Variants in KCNH7 observed in about 807,000 individuals in gnomAD.
KCNH7 encodes the protein voltage-gated inwardly rectifying potassium channel KCNH7.
KCNH7 carries 49 observed loss-of-function variants against 120.8 expected under a neutral mutation model. The observed-to-expected ratio is 0.41, with a 90% CI of 0.32 to 0.51. KCNH7 has a LOEUF of 0.51. Among genes scored for constraint, KCNH7 ranks in the 20% least tolerant of loss-of-function variants. The pLI is 0.38. For missense variants in KCNH7, 1,097 were observed against 1,446.6 expected, an observed-to-expected ratio of 0.76 and a Z score of 3.92; for synonymous variants, 547 against 516.1, an observed-to-expected ratio of 1.06 and a Z score of -0.81.
In KCNH7 at chr2:162,823,608, T is replaced by C. The variant is rs187558342; in HGVS notation, c.307+12929A>G. 3.1e-3 allele frequency among the ~76,000 whole-genome samples: 474 copies of C among 152,326 alleles called. 2 individuals are homozygous for C. The highest frequency in any genetic ancestry group is 0.011 in the African/African-American group (446 of 41,584). On this transcript the variant is annotated intron_variant, in intron 2 of 15. Coordinates refer to ENST00000332142, the MANE Select transcript of KCNH7 (RefSeq NM_033272.4). ...TACTATAACATAGTCTTTATTACAC[T>C]TCATAGTATAATAATGTCATTACTT...
rs373309050 is a variant in KCNH7 at position 162,627,491 on chromosome 2, G to T, written c.308-90411C>A. Among the ~76,000 whole-genome samples the T allele has an allele frequency of 1.8e-4, 28 of 152,238 alleles. No homozygotes were observed. The East Asian group carries it at 5.0e-3, about 27-fold the overall frequency. On this transcript the variant is annotated intron_variant, in intron 2 of 15. Transcript: ENST00000332142. ...TAGAGGTAACTGAAAATTTTAATTT[G>T]CTTATGCATAATAAATACTAAGATA...
At chr2:162,706,856 G>T (rs1686721425) in intron 2 of KCNH7, among the ~76,000 whole-genome samples, 1 of 152,230 alleles carries the variant, frequency 6.6e-6, no homozygotes, top group South Asian at 2.1e-4. Flanking sequence ...TTAGAGGTTG[G>T]TCTGGTCATT....
chr2:162,486,581 T>C (rs547507578), intron 6 of KCNH7, among the ~76,000 whole-genome samples: 37 of 152,134 alleles, frequency 2.4e-4, no homozygotes, highest in African/African-American at 8.4e-4. Context: ...GGAGAAAAAA[T>C]AGGAAAAAAT....
At chr2:162,742,164 C>A (rs770336123) in intron 2 of KCNH7, among the ~76,000 whole-genome samples, 1 of 152,106 alleles carries the variant, frequency 6.6e-6, no homozygotes, top group South Asian at 2.1e-4. Flanking sequence ...AATGAAATAA[C>A]CCAGAAGTAG....
chr2:162,816,533 C>T (rs747768633), intron 2 of KCNH7, among the ~76,000 whole-genome samples: 1 of 151,890 alleles, frequency 6.6e-6, no homozygotes, highest in Non-Finnish European at 1.5e-5. Flanking sequence ...AAATAATGCC[C>T]CTAATCAAAA....
chr2:162,460,180 C>T (rs1040450532), intron 6 of KCNH7, among the ~76,000 whole-genome samples: 3 of 151,518 alleles, frequency 2.0e-5, no homozygotes, highest in Non-Finnish European at 2.9e-5. Context: ...GGTGGGTGTC[C>T]TTAGAATCAT....
chr2:162,708,867 T>C (rs1042904143), intron 2 of KCNH7, among the ~76,000 whole-genome samples: 5 of 152,086 alleles, frequency 3.3e-5, no homozygotes, highest in Non-Finnish European at 5.9e-5. Flanking sequence ...AGCTATGATG[T>C]AGAAAAATTG....
chr2:162,460,059 A>G (rs1344070095), intron 6 of KCNH7, among the ~76,000 whole-genome samples: 5 of 145,604 alleles, frequency 3.4e-5, no homozygotes, highest in Non-Finnish European at 5.9e-5. Flanking sequence ...GTGCCACAGC[A>G]CTCCAGCCTA....
At chr2:162,727,082 T>C (rs1242272135) in intron 2 of KCNH7, among the ~76,000 whole-genome samples, 1 of 152,186 alleles carries the variant, frequency 6.6e-6, no homozygotes, top group Admixed American at 6.5e-5. Context: ...TTTATTCAAA[T>C]TTAGCACTAC....
At chr2:162,399,311 G>A (rs1310385018) in intron 10 of KCNH7, among the ~76,000 whole-genome samples, 2 of 151,642 alleles carry the variant, frequency 1.3e-5, no homozygotes, top group Middle Eastern at 3.4e-3. Context: ...AGTACTACAA[G>A]TTCACATGGC....
intron 12 of KCNH7, among the ~76,000 whole-genome samples, chr2:162,390,718 T>C (rs767861261): frequency 1.3e-5 from 2 of 151,980 alleles, no homozygotes; most frequent in African/African-American, 2.4e-5. Context: ...TACTTGAAGA[T>C]ACCTTTAAAA....
chr2:162,655,239 A>G (rs1275058300), intron 2 of KCNH7, among the ~76,000 whole-genome samples: 1 of 151,960 alleles, frequency 6.6e-6, no homozygotes, highest in Admixed American at 6.5e-5. Flanking sequence ...TAATGAATTT[A>G]TATAATTTTA....
intron 2 of KCNH7, among the ~76,000 whole-genome samples, chr2:162,781,135 C>T (rs1278995891): frequency 5.9e-5 from 9 of 151,698 alleles, no homozygotes; most frequent in Non-Finnish European, 4.4e-5. Flanking sequence ...TATTATATAC[C>T]AAGTGTATAT....
At chr2:162,572,063 A>C (rs1693499139) in intron 2 of KCNH7, among the ~76,000 whole-genome samples, 1 of 152,036 alleles carries the variant, frequency 6.6e-6, no homozygotes, top group Non-Finnish European at 1.5e-5. Flanking sequence ...AATTAAAGTA[A>C]AGAGCTTCTG....
At chr2:162,609,781 G>A (rs747965082) in intron 2 of KCNH7, among the ~76,000 whole-genome samples, 3 of 152,098 alleles carry the variant, frequency 2.0e-5, no homozygotes, top group Admixed American at 1.3e-4. Context: ...GAATAATAGC[G>A]ACTCCTGAAT....
intron 2 of KCNH7, among the ~76,000 whole-genome samples, chr2:162,808,443 T>C (rs903384051): frequency 7.9e-5 from 12 of 152,194 alleles, no homozygotes; most frequent in Non-Finnish European, 1.5e-4. Flanking sequence ...GGAGCAGGAC[T>C]GAGCTTCAAA....
chr2:162,835,399 A>G (rs1461815930), intron 2 of KCNH7, among the ~76,000 whole-genome samples: 1 of 152,014 alleles, frequency 6.6e-6, no homozygotes, highest in Non-Finnish European at 1.5e-5. Context: ...CCAAATGATG[A>G]GTCATTATAT....
At chr2:162,834,249 GC>G (rs1167316823) in intron 2 of KCNH7, among the ~76,000 whole-genome samples, 1 of 152,006 alleles carries the variant, frequency 6.6e-6, no homozygotes, top group African/African-American at 2.4e-5. Flanking sequence ...ATCTGAACTA[GC>G]AGCCAAAACA....
At chr2:162,779,145 C>G (rs1202023957) in intron 2 of KCNH7, among the ~76,000 whole-genome samples, 1 of 151,434 alleles carries the variant, frequency 6.6e-6, no homozygotes, top group African/African-American at 2.4e-5. Context: ...GAGCTTTCAC[C>G]TTAAGAAAAA....
Sources: gnomAD v4.1 joint callset for allele counts (sites outside exome capture counted in the v4.1 genomes callset) on GRCh38, gnomAD v4.1.1 for gene constraint, MANE v1.5 for transcripts, NCBI Gene and HGNC (gene_info 2026-07-23, HGNC 2026-07-21) for gene names.